COL5A2: variants seen among roughly 807,000 people sequenced by gnomAD.
COL5A2 encodes the protein collagen type V alpha 2 chain, also known as collagen alpha-2(V) chain.
In COL5A2, 23 loss-of-function variants were observed where a neutral mutation model predicts 208.2. The observed-to-expected ratio is 0.11, with a 90% CI of 0.08 to 0.16. The LOEUF (loss-of-function observed/expected upper bound fraction) is 0.16. Among genes scored for constraint, COL5A2 ranks in the 10% least tolerant of loss-of-function variants. The pLI, the probability that COL5A2 is intolerant of heterozygous loss-of-function variation, is 1.00. For synonymous variants in COL5A2, 625 were observed against 628.5 expected, an observed-to-expected ratio of 0.99 and a Z score of 0.08; for missense variants, 1,590 against 1,956.4, an observed-to-expected ratio of 0.81 and a Z score of 3.53.
At chr2:189,129,555 T>TA (rs1226286109) in intron 1 of COL5A2, among the ~76,000 whole-genome samples, 1 of 152,074 alleles carries the variant, frequency 6.6e-6, no homozygotes, top group Non-Finnish European at 1.5e-5. Flanking sequence ...ATCTCTCTTT[T>TA]ACGTGCAAAA....
chr2:189,202,254 A>G (rs1689088742), intron 1 of COL5A2, among the ~76,000 whole-genome samples: 1 of 152,074 alleles, frequency 6.6e-6, no homozygotes, highest in Non-Finnish European at 1.5e-5. Context: ...GAGAGTAGAA[A>G]ATAGGAAAAG....
At chr2:189,051,615 A>G in intron 41 of COL5A2, 134 bp from the exon 42 acceptor site, 2 of 689,394 alleles carry the variant, frequency 2.9e-6, no homozygotes, top group South Asian at 5.7e-5. Flanking sequence ...ATAATCAGTC[A>G]TTCTATAGGA....
At chr2:189,366,698 A>G in the COL5A2 span, among the ~76,000 whole-genome samples, 1 of 152,218 alleles carries the variant, frequency 6.6e-6, no homozygotes, top group Non-Finnish European at 1.5e-5. Flanking sequence ...TCTCCTGCCT[A>G]GCCAAAGAAC....
At chr2:189,067,888 C>T in intron 21 of COL5A2, 127 bp downstream of exon 21, 1 of 797,278 alleles carries the variant, frequency 1.3e-6, no homozygotes, top group Non-Finnish European at 2.2e-6. Context: ...TTCACAAAGA[C>T]TCCCATCTTC....
intron 7 of COL5A2, among the ~76,000 whole-genome samples, chr2:189,089,445 T>A (rs1161642998): frequency 1.3e-5 from 2 of 152,328 alleles, no homozygotes; most frequent in East Asian, 3.9e-4. Flanking sequence ...TGTGTACTGT[T>A]TATAAATAAA....
At chr2:189,219,130 A>C (rs1207747135) in intron 1 of COL5A2, among the ~76,000 whole-genome samples, 2 of 152,226 alleles carry the variant, frequency 1.3e-5, no homozygotes, top group African/African-American at 4.8e-5. Context: ...GCTAGTGCAC[A>C]CACATGTATC....
intron 1 of COL5A2, among the ~76,000 whole-genome samples, chr2:189,187,925 C>T (rs866681956): frequency 7.3e-5 from 11 of 149,734 alleles, no homozygotes; most frequent in South Asian, 4.2e-4. Flanking sequence ...ACCAAGATCG[C>T]GCCACTGCAC....
the COL5A2 span, among the ~76,000 whole-genome samples, chr2:189,360,845 T>G: frequency 1.3e-5 from 2 of 152,078 alleles, no homozygotes; most frequent in African/African-American, 4.8e-5. Context: ...GTTCAGCTAA[T>G]ACTTATAAGT....
intron 31 of COL5A2, among the ~76,000 whole-genome samples, chr2:189,059,710 C>T (rs905199229): frequency 6.8e-6 from 1 of 148,124 alleles, no homozygotes; most frequent in African/African-American, 2.5e-5. Flanking sequence ...GATTCTCCTG[C>T]CTCAGCCTCC....
chr2:189,179,762 G>A, upstream of COL5A2: 2 of 1,338,832 alleles, frequency 1.5e-6, no homozygotes, highest in Non-Finnish European at 2.0e-6. Flanking sequence ...CACAGTCTGC[G>A]AAAACTTTTT....
chr2:189,145,462 A>G (rs1384732066), intron 1 of COL5A2, among the ~76,000 whole-genome samples: 1 of 152,174 alleles, frequency 6.6e-6, no homozygotes, highest in African/African-American at 2.4e-5. Flanking sequence ...TCACTTGCAT[A>G]ACCCCAAATA....
the COL5A2 span, among the ~76,000 whole-genome samples, chr2:189,234,841 C>T: frequency 2.2e-4 from 34 of 151,590 alleles, 1 homozygote; most frequent in African/African-American, 8.2e-4. Flanking sequence ...TATATTAGTG[C>T]TAATAAAAAT....
At chr2:189,119,161 C>A (rs535020227) in intron 1 of COL5A2, among the ~76,000 whole-genome samples, 1 of 152,108 alleles carries the variant, frequency 6.6e-6, no homozygotes, top group South Asian at 2.1e-4. Context: ...AAAGTTATAT[C>A]AATAACTTTT....
At chr2:189,054,114 A>G (rs1685850724) in intron 36 of COL5A2, 45 bp downstream of exon 36, 1 of 1,529,982 alleles carries the variant, frequency 6.5e-7, no homozygotes, top group South Asian at 1.1e-5. Flanking sequence ...CCTGCTATTC[A>G]GGACTCATAA....
intron 40 of COL5A2, 101 bp from the exon 41 acceptor site, chr2:189,052,326 T>G: frequency 9.1e-7 from 1 of 1,096,100 alleles, no homozygotes; most frequent in Non-Finnish European, 1.4e-6. Context: ...AGCCTTTAGA[T>G]TTCCTTTCAT....
chr2:189,096,429 G>A (rs957409541), intron 6 of COL5A2, among the ~76,000 whole-genome samples: 6 of 151,852 alleles, frequency 4.0e-5, no homozygotes, highest in African/African-American at 1.5e-4. Context: ...ATCACATCCT[G>A]GCTAACACGG....
chr2:189,076,489 CT>C (rs1226849200), intron 16 of COL5A2, among the ~76,000 whole-genome samples: 1 of 152,114 alleles, frequency 6.6e-6, no homozygotes, highest in East Asian at 1.9e-4. Context: ...AATTATAAAG[CT>C]GATGGAATTG....
chr2:189,130,236 T>C (rs1192966669), intron 1 of COL5A2, among the ~76,000 whole-genome samples: 2 of 152,072 alleles, frequency 1.3e-5, no homozygotes, highest in Non-Finnish European at 2.9e-5. Flanking sequence ...AACCTATGAG[T>C]ATGCTTTTAG....
At chr2:189,141,728 C>G (rs943203938) in intron 1 of COL5A2, among the ~76,000 whole-genome samples, 1 of 152,146 alleles carries the variant, frequency 6.6e-6, no homozygotes, top group African/African-American at 2.4e-5. Flanking sequence ...CTTCTAGATT[C>G]TTAAGGTGTA....
Sources: gnomAD v4.1 joint callset for allele counts (sites outside exome capture counted in the v4.1 genomes callset) on GRCh38, gnomAD v4.1.1 for gene constraint, MANE v1.5 for transcripts, NCBI Gene and HGNC (gene_info 2026-07-23, HGNC 2026-07-21) for gene names.